The following KLF12 variants were observed in gnomAD, a reference collection of about 807,000 sequenced individuals.
KLF12 encodes Krueppel-like factor 12.
In KLF12, 9 loss-of-function variants were observed where a neutral mutation model predicts 37.8. The ratio of observed to expected loss-of-function variants is 0.24; its 90% CI spans 0.14 to 0.42. The LOEUF is 0.42. Among genes scored for constraint, KLF12 ranks in the 10% least tolerant of loss-of-function variants. The pLI, the probability that KLF12 is intolerant of heterozygous loss-of-function variation, is 1.00. For synonymous variants in KLF12, 208 were observed against 202.1 expected (o/e 1.03, Z -0.25); for missense variants, 411 against 516.0 (o/e 0.80, Z 1.97).
chr13:73,795,641 G>A (rs902676701), intron 5 of KLF12, among the ~76,000 whole-genome samples: 1 of 152,048 alleles, frequency 6.6e-6, no homozygotes, highest in African/African-American at 2.4e-5. Flanking sequence ...AATAATACCT[G>A]GGCACTTTAC....
chr13:73,778,706 C>T (rs747437771), intron 5 of KLF12, among the ~76,000 whole-genome samples: 4 of 152,060 alleles, frequency 2.6e-5, no homozygotes, highest in African/African-American at 4.8e-5. Context: ...AAACAACAGC[C>T]TGTCACGCAG....
intron 1 of KLF12, among the ~76,000 whole-genome samples, chr13:74,081,694 T>C (rs1371403373): frequency 6.6e-6 from 1 of 152,184 alleles, no homozygotes; most frequent in Admixed American, 6.5e-5. Context: ...GAATTATTTA[T>C]TGCAACAGCA....
the KLF12 span, among the ~76,000 whole-genome samples, chr13:74,287,384 G>GAGAGAGAGAGAA: frequency 6.6e-6 from 1 of 151,804 alleles, no homozygotes; most frequent in African/African-American, 2.4e-5. Context: ...GAGAGAGAGA[G>GAGAGAGAGAGAA]AGAGAGAGAG....
intron 7 of KLF12, among the ~76,000 whole-genome samples, chr13:73,697,472 A>G (rs960570725): frequency 2.0e-5 from 3 of 152,226 alleles, no homozygotes; most frequent in Non-Finnish European, 4.4e-5. Flanking sequence ...GCATGTGTCT[A>G]CTGACCAAAG....
At chr13:73,829,773 A>G (rs1884055100) in intron 4 of KLF12, among the ~76,000 whole-genome samples, 1 of 152,224 alleles carries the variant, frequency 6.6e-6, no homozygotes, top group South Asian at 2.1e-4. Context: ...ATGAATAAAT[A>G]ATGCTAAAAA....
intron 1 of KLF12, among the ~76,000 whole-genome samples, chr13:74,119,387 C>T (rs899423442): frequency 2.0e-5 from 3 of 149,930 alleles, no homozygotes; most frequent in African/African-American, 7.3e-5. Context: ...CCACTGTCAA[C>T]AGATAAACCT....
chr13:73,734,165 C>G (rs1439831888), intron 6 of KLF12, among the ~76,000 whole-genome samples: 1 of 152,150 alleles, frequency 6.6e-6, no homozygotes, highest in African/African-American at 2.4e-5. Flanking sequence ...GACCAAATGT[C>G]ACTTCTTCAG....
intron 3 of KLF12, among the ~76,000 whole-genome samples, chr13:73,913,474 C>A (rs1028046359): frequency 1.3e-5 from 2 of 152,108 alleles, no homozygotes; most frequent in African/African-American, 4.8e-5. Flanking sequence ...TGTGACAAGG[C>A]CAGAAGGAGA....
chr13:73,983,815 G>C (rs1229803283), intron 2 of KLF12, among the ~76,000 whole-genome samples: 1 of 152,214 alleles, frequency 6.6e-6, no homozygotes, highest in Non-Finnish European at 1.5e-5. Context: ...AACCACAACA[G>C]ACAGCAGTAA....
At chr13:73,965,836 A>G (rs1191043435) in intron 2 of KLF12, among the ~76,000 whole-genome samples, 2 of 152,170 alleles carry the variant, frequency 1.3e-5, no homozygotes, top group East Asian at 3.8e-4. Context: ...CGAAATGACA[A>G]TTTTATACCA....
the KLF12 span, among the ~76,000 whole-genome samples, chr13:74,244,133 C>T: frequency 6.6e-6 from 1 of 152,120 alleles, no homozygotes; most frequent in East Asian, 1.9e-4. Context: ...CTTATATTCC[C>T]ACAGTTGACT....
In KLF12 at chr13:73,725,360, A is replaced by G. The variant is rs140062295; in HGVS notation, c.870-9835T>C. On this transcript the variant is annotated intron_variant, in intron 6 of 7. Transcript: ENST00000377669. ...CGTGATCTGCCTGCCTTGGCCTCCC[A>G]AAGTGCTGGGATTACAGGCGTGAGC... Among the ~76,000 whole-genome samples the G allele has an allele frequency of 4.9e-3, 744 of 152,294 alleles. 6 individuals are homozygous for G. The highest frequency in any genetic ancestry group is 0.017 in the African/African-American group (719 of 41,560).
chr13:74,087,330 T>TA (rs376989402), intron 1 of KLF12, among the ~76,000 whole-genome samples: 201 of 150,358 alleles, frequency 1.3e-3, no homozygotes, highest in Middle Eastern at 3.4e-3. Context: ...CAGAAGGGTT[T>TA]AAAAAAAATT....
intron 1 of KLF12, among the ~76,000 whole-genome samples, chr13:74,002,524 C>T (rs1037819427): frequency 5.9e-5 from 9 of 152,190 alleles, no homozygotes; most frequent in African/African-American, 1.4e-4. Flanking sequence ...TACAGGCTAG[C>T]GCCACCACAT....
intron 3 of KLF12, among the ~76,000 whole-genome samples, chr13:73,937,297 C>T (rs1460076200): frequency 6.6e-6 from 1 of 152,116 alleles, no homozygotes; most frequent in African/African-American, 2.4e-5. Context: ...AGAAAACACG[C>T]TTGATGGTCC....
the KLF12 span, among the ~76,000 whole-genome samples, chr13:74,165,268 C>T: frequency 6.6e-6 from 1 of 150,978 alleles, no homozygotes; most frequent in Non-Finnish European, 1.5e-5. Context: ...TCAACTTTGT[C>T]ATCCTCAGTG....
intron 1 of KLF12, among the ~76,000 whole-genome samples, chr13:74,000,898 T>C (rs1237366416): frequency 6.6e-6 from 1 of 152,250 alleles, no homozygotes; most frequent in Non-Finnish European, 1.5e-5. Context: ...TAATTTATGC[T>C]ATGCTCAGAT....
intron 1 of KLF12, among the ~76,000 whole-genome samples, chr13:74,101,439 A>G (rs890126913): frequency 1.3e-5 from 2 of 152,158 alleles, no homozygotes; most frequent in African/African-American, 4.8e-5. Flanking sequence ...CCCCACATAG[A>G]CATACACATA....
the KLF12 span, among the ~76,000 whole-genome samples, chr13:74,277,346 G>A: frequency 1.3e-5 from 2 of 152,136 alleles, no homozygotes; most frequent in Admixed American, 1.3e-4. Flanking sequence ...TGTTTGTGAA[G>A]TCTTCTTGAC....
Sources: allele counts gnomAD v4.1 joint callset (sites outside exome capture counted in the v4.1 genomes callset), GRCh38; gene constraint gnomAD v4.1.1; transcripts MANE v1.5; gene names NCBI Gene and HGNC (gene_info 2026-07-23, HGNC 2026-07-21).